NSUN2: variants seen among roughly 807,000 people sequenced by gnomAD.
The protein encoded by NSUN2 is RNA cytosine C(5)-methyltransferase NSUN2.
A neutral mutation model predicts 92.7 loss-of-function variants in NSUN2; 63 were observed. The ratio of observed to expected loss-of-function variants is 0.68; its 90% CI spans 0.56 to 0.84. The LOEUF (loss-of-function observed/expected upper bound fraction) is 0.84, where lower values mean the gene tolerates loss of function less well. Ranked by LOEUF, NSUN2 falls within the 40% of genes least tolerant of loss-of-function variation. The pLI is 0.00. For synonymous variants in NSUN2, 356 were observed against 348.3 expected (o/e 1.02, Z -0.25); for missense variants, 989 against 964.9 (o/e 1.02, Z -0.33).
chr5:6,625,543 A>G, intron 4 of NSUN2, 21 bp downstream of exon 4: 1 of 1,558,660 alleles, frequency 6.4e-7, no homozygotes, highest in Non-Finnish European at 8.8e-7. Flanking sequence ...GAAACTAGCA[A>G]GTCTAAAGAA....
chr5:6,623,037 CAAAAAAGAAAAAAAAAA>C (rs1157729808), intron 5 of NSUN2, among the ~76,000 whole-genome samples, 160 bp downstream of exon 5: 2 of 43,134 alleles, frequency 4.6e-5, no homozygotes, highest in Admixed American at 2.4e-4. Flanking sequence ...TTAAGTAGGA[CAAAAAAGAAAAAAAAAA>C]AAAAAAGAAA....
chr5:6,623,161 A>AT, intron 5 of NSUN2, 53 bp downstream of exon 5: 1 of 1,497,602 alleles, frequency 6.7e-7, no homozygotes, highest in South Asian at 1.3e-5. Context: ...ACAAACAGGC[A>AT]TGACACTGGT....
At chr5:6,627,429 T>C (rs1440730095) in intron 3 of NSUN2, among the ~76,000 whole-genome samples, 2 of 152,244 alleles carry the variant, frequency 1.3e-5, no homozygotes, top group Non-Finnish European at 1.5e-5. Flanking sequence ...AAGACATCAA[T>C]ATGAACACCA....
At chr5:6,620,385 T>A in intron 6 of NSUN2, 87 bp from the exon 7 acceptor site, 1 of 1,038,074 alleles carries the variant, frequency 9.6e-7, no homozygotes, top group Non-Finnish European at 1.4e-6. Context: ...GGTCAGCCAG[T>A]GAGAAGCAGC....
At chr5:6,612,938 A>C (rs1165979981) in intron 9 of NSUN2, among the ~76,000 whole-genome samples, 1 of 152,222 alleles carries the variant, frequency 6.6e-6, no homozygotes, top group Non-Finnish European at 1.5e-5. Flanking sequence ...CACCCCCTCC[A>C]GTCAAAATCA....
intron 8 of NSUN2, among the ~76,000 whole-genome samples, chr5:6,617,634 A>C (rs1476931192): frequency 6.6e-6 from 1 of 152,230 alleles, no homozygotes; most frequent in Non-Finnish European, 1.5e-5. Flanking sequence ...AAGAACAAAA[A>C]CAGAGAGAAA....
chr5:6,600,286 G>A (rs1314044112), intron 18 of NSUN2, 54 bp from the exon 19 acceptor site: 25 of 1,508,046 alleles, frequency 1.7e-5, no homozygotes, highest in African/African-American at 2.8e-5. Flanking sequence ...TAACTAAATC[G>A]AATGAGATGT....
In NSUN2 at chr5:6,599,626, T is replaced by C. The variant is rs1285756726; in HGVS notation, c.*300A>G. 3 of 317,834 alleles carry C rather than the reference T, an allele frequency of 9.4e-6. No homozygotes were observed. Among genetic ancestry groups the C allele is most frequent in the Non-Finnish European group, 1.7e-5 (3 of 174,506 alleles). The allele number at this position is 317,834 out of a possible 1,614,324, so 19.7% of individuals were successfully genotyped here. A position where few individuals can be genotyped will look rare whatever the true frequency, so the allele number is the denominator to read the frequency against. ...ATTTCTGCAAGGGCAGTTTTGTTTC[T>C]TGATAGAAGTACAACTTTTGAAAGT... On this transcript the variant is annotated 3_prime_UTR_variant, in exon 19 of 19. Coordinates refer to ENST00000264670, the MANE Select transcript of NSUN2 (RefSeq NM_017755.6).
Position 6,599,881 on chromosome 5 carries a change from A to T in NSUN2, c.*45T>A. ...CAGACACCAGTGACCAGAAGAAGCC[A>T]GTTTTGCGTGTGAGGGGTGTGGGCC... On this transcript the variant is annotated 3_prime_UTR_variant, in exon 19 of 19. Transcript: ENST00000264670. 2 of 1,570,226 alleles carry T rather than the reference A, an allele frequency of 1.3e-6. No individual in the cohort carries two copies. Among genetic ancestry groups the T allele is most frequent in the African/African-American group, 1.3e-5 (1 of 74,162 alleles).
chr5:6,608,078 G>C (rs1736851696), intron 12 of NSUN2, among the ~76,000 whole-genome samples: 2 of 152,206 alleles, frequency 1.3e-5, no homozygotes, highest in Admixed American at 1.3e-4. Flanking sequence ...TTTCAACACA[G>C]GCAAGTTCAT....
At position 6,599,929 on chromosome 5, in the gene NSUN2, C is replaced by T; in HGVS notation, c.2301G>A (p.Arg767=). 6.2e-7 allele frequency: 1 copy of T among 1,612,262 alleles called. No individual in the cohort carries two copies. The highest frequency in any genetic ancestry group is 8.5e-7 in the Non-Finnish European group (1 of 1,179,666). The change falls in exon 19 of 19, where the codon CGG becomes CGA. Residue 767 remains arginine, a synonymous_variant. Coordinates refer to ENST00000264670, the MANE Select transcript of NSUN2 (RefSeq NM_017755.6). ...GCCCCCGCTGCCTTGGGCCTGCTCA[C>T]CGGGGTGGATGGACCCCCGCCGGGT... ...GCDPAGVHPP[R] is the part of the protein sequence containing the mutation.
chr5:6,631,645 A>AG (rs1207189434), intron 3 of NSUN2, among the ~76,000 whole-genome samples: 1 of 152,258 alleles, frequency 6.6e-6, no homozygotes, highest in African/African-American at 2.4e-5. Flanking sequence ...TGGATGTACT[A>AG]GGAAGAGCTG....
intron 10 of NSUN2, among the ~76,000 whole-genome samples, chr5:6,611,448 T>TTAAAAAAAAAAAAAAAAA (rs1736984882): frequency 1.2e-5 from 1 of 86,072 alleles, no homozygotes; most frequent in Admixed American, 1.4e-4. Context: ...CGGCCCAATT[T>TTAAAAAAAAAAAAAAAAA]AAAAAAAAAA....
intron 9 of NSUN2, among the ~76,000 whole-genome samples, chr5:6,614,413 C>T (rs1737128191): frequency 6.6e-6 from 1 of 152,166 alleles, no homozygotes; most frequent in South Asian, 2.1e-4. Context: ...TTTCACCCTG[C>T]AGCTCTTCCT....
intron 14 of NSUN2, 123 bp downstream of exon 14, chr5:6,606,697 T>A (rs1412703307): frequency 4.6e-6 from 2 of 437,286 alleles, no homozygotes; most frequent in Non-Finnish European, 8.2e-6. Flanking sequence ...TTAAAAAGGT[T>A]AAAAAAAAAA....
At chr5:6,605,687 A>G (rs1376519122) in intron 14 of NSUN2, among the ~76,000 whole-genome samples, 1 of 148,774 alleles carries the variant, frequency 6.7e-6, no homozygotes, top group African/African-American at 2.5e-5. Context: ...ACCTGATAAC[A>G]CTACTTTTGA....
Position 6,600,060 on chromosome 5 carries a change from T to C in NSUN2, c.2170A>G (p.Ser724Gly). ...ACGTCATTGTCTGGCTGTCCGGTGC[T>C]GGCTGCACTCTCATTTGTGAGGATA... ...GVILTNESAA[S>G]TGQPDNDVTE... Residue 724 changes from serine to glycine, a missense_variant, in exon 19 of 19, where the codon AGC (serine) becomes GGC (glycine). Transcript: ENST00000264670. 1.2e-6 allele frequency: 2 copies of C among 1,614,268 alleles called. No individual in the cohort carries two copies. The highest frequency in any genetic ancestry group is 1.7e-6 in the Non-Finnish European group (2 of 1,180,052).
intron 18 of NSUN2, among the ~76,000 whole-genome samples, chr5:6,601,102 G>A (rs984583748): frequency 3.3e-5 from 5 of 151,572 alleles, no homozygotes; most frequent in Admixed American, 2.6e-4. Context: ...TAAAGCAGGG[G>A]CACAAAGGTG....
Position 6,611,102 on chromosome 5 carries a change from T to A in NSUN2, c.1096-17A>T, listed in dbSNP as rs2303706. ...CGTCATTACCTGCAGAACCACAGGG[T>A]ACATTCCAGATTACTAGCACTATCC... On this transcript the variant is annotated splice_polypyrimidine_tract_variant and intron_variant, in intron 10 of 18. Coordinates refer to ENST00000264670, the MANE Select transcript of NSUN2 (RefSeq NM_017755.6). 1 of 1,614,058 alleles carries A rather than the reference T, an allele frequency of 6.2e-7. No homozygotes were observed. The highest frequency in any genetic ancestry group is 8.5e-7 in the Non-Finnish European group (1 of 1,179,988).
Sources: allele counts gnomAD v4.1 joint callset (sites outside exome capture counted in the v4.1 genomes callset), GRCh38; gene constraint gnomAD v4.1.1; transcripts MANE v1.5; gene names NCBI Gene and HGNC (gene_info 2026-07-23, HGNC 2026-07-21).